The following CHERP variants were observed in gnomAD, a reference collection of about 807,000 sequenced individuals.
CHERP encodes calcium homeostasis endoplasmic reticulum protein.
In CHERP, 8 loss-of-function variants were observed where a neutral mutation model predicts 113.8. The ratio of observed to expected loss-of-function variants is 0.07; its 90% CI spans 0.04 to 0.13. The LOEUF is 0.13. Among genes scored for constraint, CHERP ranks in the 10% least tolerant of loss-of-function variants. The probability of loss-of-function intolerance (pLI) is 1.00; values close to 1 mark genes in which losing one functional copy is unlikely to be tolerated. For synonymous variants in CHERP, 559 were observed against 524.5 expected, an observed-to-expected ratio of 1.07 and a Z score of -0.90; for missense variants, 884 against 1,298.2, an observed-to-expected ratio of 0.68 and a Z score of 4.90.
Position 16,532,569 on chromosome 19 carries a change from C to T in CHERP, c.674+29G>A, listed in dbSNP as rs763518566. 30 of 1,563,828 alleles carry T rather than the reference C, an allele frequency of 1.9e-5. No individual in the cohort carries two copies. The Admixed American group carries it at 1.9e-4, about 10-fold the overall frequency. The stretch of plus-strand genomic sequence containing the variant: ...GTTGAGGAGGAGCGCGAGGAAGTGG[C>T]GCTCTGGGCACGGGGTGGCGGCGCT... On this transcript the variant is annotated intron_variant, in intron 5 of 16. Transcript: ENST00000546361. This position sits in a 1 kb window ranked among gnomAD's most constrained non-coding sequence, Gnocchi z 4.4.
Position 16,530,361 on chromosome 19 carries a change from G to T in CHERP, c.876+224C>A, listed in dbSNP as rs2085691882. Among the ~76,000 whole-genome samples the T allele has an allele frequency of 1.3e-5, 2 of 152,214 alleles. No individual in the cohort carries two copies. Among genetic ancestry groups the T allele is most frequent in the South Asian group, 4.1e-4 (2 of 4,826 alleles). On this transcript the variant is annotated intron_variant, in intron 7 of 16. Transcript: ENST00000546361. The surrounding 1 kb of genome is among the most constrained non-coding windows in gnomAD (Gnocchi z 4.1). ...GGGCCATGTGCAATGACTCCGAAAG[G>T]CCGCCTGGTTCTAGTGTTCCAGGAA...
chr19:16,542,417 T>C lies in CHERP; in HGVS notation c.-39A>G, dbSNP rs367780129. Reference sequence around the variant, plus strand: ...GGGAACGTCCTCCGGCGCCACACGATCGACCACCAGCGCCGTCTGCGGAAG... The same window carrying C: ...GGGAACGTCCTCCGGCGCCACACGACCGACCACCAGCGCCGTCTGCGGAAG... On this transcript the variant is annotated 5_prime_UTR_variant, in exon 1 of 17. Transcript: ENST00000546361. The C allele has an allele frequency of 1.7e-5, 23 of 1,335,170 alleles. No homozygotes were observed. Among genetic ancestry groups the C allele is most frequent in the African/African-American group, 6.0e-5 (4 of 66,270 alleles). 82.7% of individuals were successfully genotyped at this position (1,335,170 alleles called of 1,614,324 possible). A position where few individuals can be genotyped will look rare whatever the true frequency, so the allele number is the denominator to read the frequency against.
In CHERP at chr19:16,535,518, G is replaced by C; in HGVS notation, c.318C>G (p.Asp106Glu). 2 of 1,606,784 alleles carry C rather than the reference G, an allele frequency of 1.2e-6. No homozygotes were observed. The highest frequency in any genetic ancestry group is 1.7e-6 in the Non-Finnish European group (2 of 1,176,862). ...IPPAQGAPSM[D>E]ELIQQSQWNL... The stretch of plus-strand genomic sequence containing the variant: ...TCCACTGGCTCTGCTGGATGAGCTC[G>C]TCCATGGATGGCGCGCCCTGGGCCG... Residue 106 changes from aspartate (D) to glutamate (E), a missense_variant, in exon 3 of 17, where the codon GAC (aspartate) becomes GAG (glutamate). Transcript: ENST00000546361. This position sits in a 1 kb window ranked among gnomAD's most constrained non-coding sequence, Gnocchi z 4.3.
At chr19:16,522,914 C>A in intron 11 of CHERP, 138 bp downstream of exon 11, 1 of 1,013,860 alleles carries the variant, frequency 9.9e-7, no homozygotes. Flanking sequence ...CTCCCACTGA[C>A]GGATCAGGGT....
Position 16,530,769 on chromosome 19 carries a change from C to G in CHERP, c.786G>C (p.Arg262=). Residue 262 remains arginine, a splice_region_variant and synonymous_variant, in exon 6 of 17, where the codon CGG becomes CGC. Coordinates refer to ENST00000546361, the MANE Select transcript of CHERP (RefSeq NM_006387.6). The surrounding 1 kb of genome is among the most constrained non-coding windows in gnomAD (Gnocchi z 4.1). ...VEEDKQQKIA[R]LLQLWEKNGY... is the part of the protein sequence containing the mutation. The stretch of plus-strand genomic sequence containing the variant: ...AACCCCCGGCCCGGGGCCCACGCAC[C>G]CGGGCGATCTTCTGCTGCTTGTCTT... The G allele has an allele frequency of 6.2e-7, 1 of 1,614,016 alleles. No individual in the cohort carries two copies. Among genetic ancestry groups the G allele is most frequent in the Non-Finnish European group, 8.5e-7 (1 of 1,179,992 alleles).
chr19:16,535,403 G>A lies in CHERP; in HGVS notation c.384+49C>T. The A allele has an allele frequency of 6.4e-7, 1 of 1,573,738 alleles. No individual in the cohort carries two copies. The highest frequency in any genetic ancestry group is 8.6e-7 in the Non-Finnish European group (1 of 1,159,582). Reference sequence around the variant, plus strand: ...TCTGATGAGCAGACGCAAAAACAGAGGCACAGGGGAGCTGCTGGTGTCTGG... The same window carrying A: ...TCTGATGAGCAGACGCAAAAACAGAAGCACAGGGGAGCTGCTGGTGTCTGG... On this transcript the variant is annotated intron_variant, in intron 3 of 16. Transcript: ENST00000546361. The surrounding 1 kb of genome is among the most constrained non-coding windows in gnomAD (Gnocchi z 4.3).
chr19:16,526,201 C>G (rs1381638206), intron 9 of CHERP: 1 of 154,146 alleles, frequency 6.5e-6, no homozygotes, highest in African/African-American at 2.4e-5. Flanking sequence ...TGGGGACTTT[C>G]AAACCAAGCC....
Position 16,529,574 on chromosome 19 carries a change from T to C in CHERP, c.1129+74A>G. On this transcript the variant is annotated intron_variant, in intron 8 of 16. Coordinates refer to ENST00000546361, the MANE Select transcript of CHERP (RefSeq NM_006387.6). ...ACTGAGTCTGAGGGTGGCAGACTGC[T>C]TTCTGACTACACTCGGTGCCCAGCC... is the stretch of plus-strand genomic sequence containing the variant. 4.7e-6 allele frequency: 7 copies of C among 1,492,000 alleles called. No individual in the cohort carries two copies. In the South Asian group the frequency reaches 8.9e-5, roughly 19 times the overall value. The allele number at this position is 1,492,000 out of a possible 1,614,324, so 92.4% of individuals were successfully genotyped here.
At chr19:16,539,152 T>G (rs1304047054) in intron 2 of CHERP, among the ~76,000 whole-genome samples, 2 of 149,716 alleles carry the variant, frequency 1.3e-5, no homozygotes, top group African/African-American at 4.9e-5. Flanking sequence ...AACGGTTTTT[T>G]TTTTTTTTTT....
At chr19:16,521,031 G>T in intron 12 of CHERP, 119 bp from the exon 13 acceptor site, 1 of 865,368 alleles carries the variant, frequency 1.2e-6, no homozygotes, top group Non-Finnish European at 1.9e-6. Flanking sequence ...GTGGCTGTGG[G>T]CTCCGAGCAT....
At chr19:16,522,262 C>T (rs939207301) in intron 11 of CHERP, among the ~76,000 whole-genome samples, 8 of 151,570 alleles carry the variant, frequency 5.3e-5, no homozygotes, top group African/African-American at 1.9e-4. Context: ...CCTCCCCAAC[C>T]CCCCCTTTTT....
chr19:16,534,786 T>C (rs1208394897), intron 3 of CHERP, among the ~76,000 whole-genome samples: 2 of 152,206 alleles, frequency 1.3e-5, no homozygotes, highest in African/African-American at 4.8e-5. Context: ...TGCACCTGTA[T>C]TCTATTTGGC....
At chr19:16,521,913 C>T (rs2085619323) in intron 11 of CHERP, among the ~76,000 whole-genome samples, 1 of 152,242 alleles carries the variant, frequency 6.6e-6, no homozygotes, top group African/African-American at 2.4e-5. Flanking sequence ...CCACAGGGGA[C>T]ATGGTCTCCA....
At chr19:16,533,508 A>T (rs1252489477) in intron 3 of CHERP, among the ~76,000 whole-genome samples, 1 of 152,264 alleles carries the variant, frequency 6.6e-6, no homozygotes, top group Admixed American at 6.5e-5. Context: ...CTGTAATCCC[A>T]GCACTTTGGG....
chr19:16,542,295 C>A, intron 1 of CHERP, 59 bp downstream of exon 1: 1 of 1,367,692 alleles, frequency 7.3e-7, no homozygotes, highest in Non-Finnish European at 9.6e-7. Flanking sequence ...GGAGGCGGGG[C>A]CGGCCAATAG....
chr19:16,528,046 C>T (rs779782297), intron 9 of CHERP, 34 bp downstream of exon 9: 10 of 1,607,442 alleles, frequency 6.2e-6, no homozygotes, highest in Middle Eastern at 2.2e-4. Flanking sequence ...CCAAGTGTGC[C>T]CCATCTGCTC....
At position 16,521,603 on chromosome 19, in the gene CHERP, G is replaced by A. The variant is rs775804888; in HGVS notation, c.2032C>T (p.Pro678Ser). Reference sequence around the variant, plus strand: ...AGCCTCTCGCTGGGCGGCATGGGGGGTGGGAGGCGGATGTCTTTAGGGTCC... The same window carrying A: ...AGCCTCTCGCTGGGCGGCATGGGGGATGGGAGGCGGATGTCTTTAGGGTCC... ...PLDPKDIRLPPPMPPSERLLA... is the reference protein window; with the variant it reads ...PLDPKDIRLPSPMPPSERLLA... The change falls in exon 12 of 17, where the codon CCC (proline) becomes TCC (serine). Residue 678 changes from proline to serine, a missense_variant. Around this residue, in one of 8 missense-constraint regions of CHERP, gnomAD observed 464 missense variants for 590.1 expected, o/e 0.79. Coordinates refer to ENST00000546361, the MANE Select transcript of CHERP (RefSeq NM_006387.6). 3 of 1,609,712 alleles carry A rather than the reference G, an allele frequency of 1.9e-6. No individual in the cohort carries two copies. Among genetic ancestry groups the A allele is most frequent in the African/African-American group, 1.3e-5 (1 of 74,822 alleles).
At chr19:16,528,039 A>AGT in intron 9 of CHERP, 41 bp downstream of exon 9, 3 of 1,602,618 alleles carry the variant, frequency 1.9e-6, no homozygotes, top group Non-Finnish European at 1.7e-6. Flanking sequence ...CATCAGGCCA[A>AGT]GTGTGCCCCA....
chr19:16,529,518 C>T, intron 8 of CHERP, 130 bp downstream of exon 8: 1 of 1,182,190 alleles, frequency 8.5e-7, no homozygotes, highest in Non-Finnish European at 1.2e-6. Context: ...AAACCTGGGC[C>T]TAGGAGCAGG....
Sources: gnomAD v4.1 joint callset for allele counts (sites outside exome capture counted in the v4.1 genomes callset) on GRCh38, gnomAD v4.1.1 for gene constraint, gnomAD v4.1.1 regional missense constraint, Gnocchi (gnomAD v3.1) non-coding constraint, MANE v1.5 for transcripts, NCBI Gene and HGNC (gene_info 2026-07-23, HGNC 2026-07-21) for gene names.